RBM47: variants seen among roughly 807,000 people sequenced by gnomAD.
RBM47 encodes RNA-binding protein 47.
In RBM47, 21 loss-of-function variants were observed where a neutral mutation model predicts 47.1. The ratio of observed to expected loss-of-function variants is 0.45; its 90% confidence interval spans 0.32 to 0.64. The LOEUF (loss-of-function observed/expected upper bound fraction) is 0.64. RBM47 is among the 30% of genes least tolerant of loss of function. The pLI, the probability that RBM47 is intolerant of heterozygous loss-of-function variation, is 0.05. For missense variants in RBM47, 708 were observed against 870.9 expected, an observed-to-expected ratio of 0.81 and a Z score of 2.35; for synonymous variants, 375 against 361.7, an observed-to-expected ratio of 1.04 and a Z score of -0.42.
chr4:40,550,342 T>C (rs1380844177), intron 1 of RBM47, among the ~76,000 whole-genome samples: 1 of 152,208 alleles, frequency 6.6e-6, no homozygotes, highest in African/African-American at 2.4e-5. Flanking sequence ...TGTTAGTTCC[T>C]ACATCTTGAT....
At chr4:40,593,146 G>C (rs62301869) in intron 1 of RBM47, among the ~76,000 whole-genome samples, 15 of 147,504 alleles carry the variant, frequency 1.0e-4, no homozygotes, top group Admixed American at 2.0e-4. Context: ...AGGCGCCCGC[G>C]ACCACGCCAG....
chr4:40,619,760 T>C (rs1737081158), intron 1 of RBM47, among the ~76,000 whole-genome samples: 1 of 152,206 alleles, frequency 6.6e-6, no homozygotes. Context: ...TATTGTGTAG[T>C]ACCTGTGGGT....
In RBM47 at chr4:40,565,056, C is replaced by T. The variant is rs558351193; in HGVS notation, c.-239-20550G>A. On this transcript the variant is annotated intron_variant, in intron 1 of 6. Coordinates refer to ENST00000295971, the MANE Select transcript of RBM47 (RefSeq NM_001098634.2). ...GAAACACTCTATCCAGTCACCTCAG[C>T]CTTGGTGAGAACACAAAGAGAATTT... Among the ~76,000 whole-genome samples, 72 of 152,302 alleles carry T rather than the reference C, an allele frequency of 4.7e-4. No homozygotes were observed. In the South Asian group the frequency reaches 0.014, roughly 31 times the overall value.
At chr4:40,487,418 T>G (rs1180373221) in intron 2 of RBM47, among the ~76,000 whole-genome samples, 1 of 152,144 alleles carries the variant, frequency 6.6e-6, no homozygotes, top group Non-Finnish European at 1.5e-5. Flanking sequence ...GCCTCCTGAG[T>G]AGCTGGGTCT....
At position 40,561,544 on chromosome 4, in the gene RBM47, C is replaced by CTTT. The variant is rs796381156; in HGVS notation, c.-239-17041_-239-17039dup. On this transcript the variant is annotated intron_variant, in intron 1 of 6. Coordinates refer to ENST00000295971, the MANE Select transcript of RBM47 (RefSeq NM_001098634.2). ...CAACTTCTTTTTTGCTTCTTCTTTT[C>CTTT]TTTTTTTTTTCTTTTTTTTTTTTGA... is the stretch of plus-strand genomic sequence containing the variant. 2.6e-4 allele frequency among the ~76,000 whole-genome samples: 33 copies of CTTT among 124,548 alleles called. 2 individuals are homozygous for CTTT. Among genetic ancestry groups the CTTT allele is most frequent in the African/African-American group, 3.7e-4 (11 of 29,582 alleles). The allele number at this position is 124,548 out of a possible 152,430, so 81.7% of individuals were successfully genotyped here. A position where few individuals can be genotyped will look rare whatever the true frequency, so the allele number is the denominator to read the frequency against.
intron 6 of RBM47, among the ~76,000 whole-genome samples, chr4:40,428,555 G>C (rs1169888416): frequency 6.6e-6 from 1 of 152,124 alleles, no homozygotes; most frequent in African/African-American, 2.4e-5. Context: ...ATGTGTGGAC[G>C]TAGGTTTAAT....
At chr4:40,509,634 C>T (rs1346369064) in intron 2 of RBM47, among the ~76,000 whole-genome samples, 1 of 152,086 alleles carries the variant, frequency 6.6e-6, no homozygotes, top group Non-Finnish European at 1.5e-5. Flanking sequence ...GTAATCCCAG[C>T]ACTTTGGGAG....
intron 1 of RBM47, among the ~76,000 whole-genome samples, chr4:40,619,827 G>A (rs1334336945): frequency 1.3e-5 from 2 of 152,170 alleles, no homozygotes; most frequent in Non-Finnish European, 2.9e-5. Flanking sequence ...AAGTCCCAGA[G>A]GGCGGAGAAT....
chr4:40,520,814 C>T lies in RBM47; in HGVS notation c.-155+23608G>A, dbSNP rs570756477. 7.2e-5 allele frequency among the ~76,000 whole-genome samples: 11 copies of T among 152,286 alleles called. No individual in the cohort carries two copies. The South Asian group carries it at 2.3e-3, about 32-fold the overall frequency. ...CCCAAACTGCCCAAGGAAGGAGGGG[C>T]TGCAATAGGAGAGGGGAGATCAGTC... is the stretch of plus-strand genomic sequence containing the variant. On this transcript the variant is annotated intron_variant, in intron 2 of 6. Coordinates refer to ENST00000295971, the MANE Select transcript of RBM47 (RefSeq NM_001098634.2).
intron 3 of RBM47, among the ~76,000 whole-genome samples, chr4:40,457,799 A>C (rs1351138267): frequency 6.6e-6 from 1 of 152,164 alleles, no homozygotes; most frequent in African/African-American, 2.4e-5. Flanking sequence ...AAGTTTAAAA[A>C]AATTTTCTTA....
At chr4:40,560,601 T>A (rs1305701624) in intron 1 of RBM47, among the ~76,000 whole-genome samples, 1 of 152,210 alleles carries the variant, frequency 6.6e-6, no homozygotes, top group East Asian at 1.9e-4. Context: ...TAGTCATACA[T>A]TCGAAGTTTT....
At chr4:40,507,655 C>T (rs925687080) in intron 2 of RBM47, among the ~76,000 whole-genome samples, 3 of 151,956 alleles carry the variant, frequency 2.0e-5, no homozygotes, top group Non-Finnish European at 4.4e-5. Context: ...GGCGTGGTGG[C>T]GTGCACCTGT....
intron 2 of RBM47, among the ~76,000 whole-genome samples, chr4:40,477,527 G>A (rs987681761): frequency 2.0e-5 from 3 of 152,158 alleles, no homozygotes; most frequent in Non-Finnish European, 4.4e-5. Context: ...TTTTCTATAA[G>A]AGTAATTTAG....
intron 1 of RBM47, among the ~76,000 whole-genome samples, chr4:40,544,797 G>A (rs907924587): frequency 6.6e-6 from 1 of 152,098 alleles, no homozygotes; most frequent in Non-Finnish European, 1.5e-5. Flanking sequence ...AGAGAGAAAG[G>A]AGAGCCTCAT....
At chr4:40,587,807 C>T (rs993185373) in intron 1 of RBM47, among the ~76,000 whole-genome samples, 11 of 152,142 alleles carry the variant, frequency 7.2e-5, no homozygotes, top group African/African-American at 2.2e-4. Flanking sequence ...AATAGTAATG[C>T]TGACATGCTG....
At chr4:40,437,110 T>TAAAA (rs1205167637) in intron 4 of RBM47, among the ~76,000 whole-genome samples, 1 of 59,656 alleles carries the variant, frequency 1.7e-5, no homozygotes, top group Non-Finnish European at 2.9e-5. Context: ...TATATATATA[T>TAAAA]AAAATACATA....
intron 2 of RBM47, among the ~76,000 whole-genome samples, chr4:40,467,194 T>C (rs1718180240): frequency 1.3e-5 from 2 of 152,074 alleles, no homozygotes; most frequent in South Asian, 4.1e-4. Flanking sequence ...CCAGAGAGGG[T>C]TCCCAAAACC....
intron 2 of RBM47, among the ~76,000 whole-genome samples, chr4:40,492,575 A>G (rs278985): frequency 0.24 from 36,372 of 151,982 alleles, 4,572 homozygotes; most frequent in Middle Eastern, 0.27. Context: ...CATGTTCTCC[A>G]CTAATTTCAC....
intron 2 of RBM47, among the ~76,000 whole-genome samples, chr4:40,484,709 C>T (rs2154243384): frequency 6.6e-6 from 1 of 152,330 alleles, no homozygotes; most frequent in South Asian, 2.1e-4. Context: ...AGACTACCTT[C>T]CTTCCTTCTC....
Sources: gnomAD v4.1 joint callset for allele counts (sites outside exome capture counted in the v4.1 genomes callset) on GRCh38, gnomAD v4.1.1 for gene constraint, MANE v1.5 for transcripts, NCBI Gene and HGNC (gene_info 2026-07-23, HGNC 2026-07-21) for gene names.